SLC25A12: variants seen among roughly 807,000 people sequenced by gnomAD.
SLC25A12 encodes solute carrier family 25 member 12.
In SLC25A12, 32 loss-of-function variants were observed where a neutral mutation model predicts 83.3. The observed-to-expected ratio is 0.38, with a 90% CI of 0.29 to 0.52. The LOEUF is 0.52. Among genes scored for constraint, SLC25A12 ranks in the 20% least tolerant of loss-of-function variants. The pLI, the probability that SLC25A12 is intolerant of heterozygous loss-of-function variation, is 0.84. For synonymous variants in SLC25A12, 267 were observed against 291.1 expected (o/e 0.92, Z 0.84); for missense variants, 611 against 835.6 (o/e 0.73, Z 3.31).
intron 2 of SLC25A12, among the ~76,000 whole-genome samples, chr2:171,888,449 A>T (rs1300601382): frequency 6.6e-6 from 1 of 150,722 alleles, no homozygotes; most frequent in African/African-American, 2.4e-5. Context: ...TTTAATTATT[A>T]TTTTTTTTGA....
intron 9 of SLC25A12, among the ~76,000 whole-genome samples, chr2:171,816,545 G>A (rs1167106572): frequency 6.6e-6 from 1 of 151,826 alleles, no homozygotes; most frequent in Non-Finnish European, 1.5e-5. Context: ...TTGTTATACT[G>A]TATTTTTAAA....
chr2:171,810,348 GT>G, intron 11 of SLC25A12, 72 bp from the exon 12 acceptor site: 1 of 1,199,026 alleles, frequency 8.3e-7, no homozygotes, highest in Admixed American at 1.7e-5. Context: ...GCAACAAAGA[GT>G]TTCCCCCATA....
chr2:171,894,179 G>A (rs1226602879), intron 1 of SLC25A12, 24 bp downstream of exon 1: 28 of 1,605,968 alleles, frequency 1.7e-5, no homozygotes, highest in East Asian at 2.2e-5. Context: ...TGCAATAAAA[G>A]CAGCAGCAGA....
chr2:171,787,403 T>G (rs769013858), intron 17 of SLC25A12, among the ~76,000 whole-genome samples, 168 bp downstream of exon 17: 6 of 152,266 alleles, frequency 3.9e-5, no homozygotes, highest in Non-Finnish European at 7.3e-5. Context: ...TGTCAAGTTT[T>G]ACTTGCTTAA....
intron 1 of SLC25A12, 59 bp downstream of exon 1, chr2:171,894,144 G>C: frequency 6.3e-7 from 1 of 1,584,754 alleles, no homozygotes; most frequent in Non-Finnish European, 8.6e-7. Flanking sequence ...GGGGGCTGCA[G>C]GCAGGGCGCT....
intron 13 of SLC25A12, among the ~76,000 whole-genome samples, chr2:171,803,846 T>C (rs1019159311): frequency 6.6e-6 from 1 of 150,500 alleles, no homozygotes; most frequent in Non-Finnish European, 1.5e-5. Flanking sequence ...CGCACACACA[T>C]ACTAGCAAAG....
intron 11 of SLC25A12, among the ~76,000 whole-genome samples, chr2:171,810,608 A>G (rs1683928281): frequency 6.6e-6 from 1 of 152,216 alleles, no homozygotes; most frequent in Non-Finnish European, 1.5e-5. Context: ...TAACAATGTA[A>G]CCAAATTCCC....
chr2:171,834,856 C>G lies in SLC25A12; in HGVS notation c.622G>C (p.Gly208Arg). Residue 208 changes from glycine to arginine, a missense_variant, in exon 7 of 18, where the codon GGA becomes CGA. Physicochemically the swap from Gly to Arg is moderately radical, Grantham distance 125 (BLOSUM62 -2). Transcript: ENST00000422440. Reference protein sequence around the residue: ...VEENLVSAAGGSISHQVSFSY... With the variant: ...VEENLVSAAGRSISHQVSFSY... ...AAGCTAACCTGGTGTGAGATACTTC[C>G]TCCAGCTGCCTAGAAAATGACAACA... 1 of 1,613,738 alleles carries G rather than the reference C, an allele frequency of 6.2e-7. No homozygotes were observed. Among genetic ancestry groups the G allele is most frequent in the Non-Finnish European group, 8.5e-7 (1 of 1,179,864 alleles).
rs1016595811 is a variant in SLC25A12, at chr2:171,877,805, T to C, written c.67-8982A>G. Among the ~76,000 whole-genome samples, 5 of 152,030 alleles carry C rather than the reference T, an allele frequency of 3.3e-5. No individual in the cohort carries two copies. In the South Asian group the frequency reaches 1.0e-3, roughly 32 times the overall value. ...TAAAATTCAATGATTTGAATGAGCATAAAGCCCAAACACTCTAAATGATAC... is the reference window on the plus strand; with the variant it reads ...TAAAATTCAATGATTTGAATGAGCACAAAGCCCAAACACTCTAAATGATAC... On this transcript the variant is annotated intron_variant, in intron 2 of 17. Coordinates refer to ENST00000422440, the MANE Select transcript of SLC25A12 (RefSeq NM_003705.5).
intron 4 of SLC25A12, among the ~76,000 whole-genome samples, chr2:171,855,067 G>A (rs1292585431): frequency 6.6e-6 from 1 of 152,130 alleles, no homozygotes; most frequent in African/African-American, 2.4e-5. Context: ...AAAAACAGTG[G>A]CAATCTTTAA....
At chr2:171,836,946 ACACACACACACATG>A (rs1684570084) in intron 6 of SLC25A12, among the ~76,000 whole-genome samples, 161 bp downstream of exon 6, 1 of 145,082 alleles carries the variant, frequency 6.9e-6, no homozygotes, top group Non-Finnish European at 1.5e-5. Context: ...ACATTCACGT[ACACACACACACATG>A]CACACACACA....
intron 9 of SLC25A12, among the ~76,000 whole-genome samples, chr2:171,825,891 T>C (rs968206074): frequency 2.0e-5 from 3 of 152,236 alleles, no homozygotes; most frequent in South Asian, 2.1e-4. Context: ...CTTACCAAGA[T>C]AGTATTTGTA....
At chr2:171,866,457 G>A (rs1245054960) in intron 3 of SLC25A12, among the ~76,000 whole-genome samples, 3 of 142,292 alleles carry the variant, frequency 2.1e-5, no homozygotes, top group East Asian at 4.4e-4. Flanking sequence ...TGGCCGGGCA[G>A]GGGGCTGACC....
chr2:171,808,852 C>T (rs1421284471), intron 13 of SLC25A12, among the ~76,000 whole-genome samples: 2 of 151,878 alleles, frequency 1.3e-5, no homozygotes, highest in African/African-American at 2.4e-5. Context: ...CCCCCAACCC[C>T]CAACCCCCAA....
intron 5 of SLC25A12, among the ~76,000 whole-genome samples, chr2:171,837,945 T>C (rs568066495): frequency 8.5e-5 from 13 of 152,280 alleles, no homozygotes; most frequent in East Asian, 5.8e-4. Flanking sequence ...TTTTGAACTA[T>C]TGGGCAACCA....
In SLC25A12 at chr2:171,813,525, A is replaced by T. The variant is rs1683989047; in HGVS notation, c.1013-28T>A. 3 of 1,612,550 alleles carry T rather than the reference A, an allele frequency of 1.9e-6. No homozygotes were observed. The East Asian group carries it at 6.7e-5, about 36-fold the overall frequency. On this transcript the variant is annotated intron_variant, in intron 10 of 17. Transcript: ENST00000422440. ...ACAAACAGAACAATTTTTAGGCTTAAAAAAGAACACAATTAAATGGAGAGT... is the reference window on the plus strand; with the variant it reads ...ACAAACAGAACAATTTTTAGGCTTATAAAAGAACACAATTAAATGGAGAGT...
intron 9 of SLC25A12, among the ~76,000 whole-genome samples, chr2:171,819,463 TTATA>T (rs1293320497): frequency 7.5e-6 from 1 of 132,576 alleles, no homozygotes; most frequent in African/African-American, 2.8e-5. Context: ...TTATTATATA[TTATA>T]TATATTAATA....
chr2:171,793,060 C>A (rs1683515505), intron 14 of SLC25A12, among the ~76,000 whole-genome samples: 1 of 151,714 alleles, frequency 6.6e-6, no homozygotes, highest in African/African-American at 2.4e-5. Flanking sequence ...GTAAGTATAC[C>A]CGCAGGGAAG....
intron 5 of SLC25A12, 124 bp downstream of exon 5, chr2:171,844,245 A>T (rs1295524995): frequency 2.0e-6 from 2 of 1,018,114 alleles, no homozygotes; most frequent in South Asian, 1.5e-5. Context: ...GCGAGGGGGA[A>T]ATTTAAAAAA....
Sources: allele counts gnomAD v4.1 joint callset (sites outside exome capture counted in the v4.1 genomes callset), GRCh38; gene constraint gnomAD v4.1.1; transcripts MANE v1.5; gene names NCBI Gene and HGNC (gene_info 2026-07-23, HGNC 2026-07-21).